The following ABTB3 variants were observed in gnomAD, a reference collection of about 807,000 sequenced individuals.
ABTB3 encodes ankyrin repeat and BTB domain containing 3.
the ABTB3 span, among the ~76,000 whole-genome samples, chr12:107,574,776 G>A: frequency 6.6e-6 from 1 of 152,218 alleles, no homozygotes; most frequent in African/African-American, 2.4e-5. Flanking sequence ...CAGACTCTCT[G>A]AATCAGGATC....
the ABTB3 span, among the ~76,000 whole-genome samples, chr12:107,519,597 C>T: frequency 4.5e-4 from 69 of 152,268 alleles, 2 homozygotes; most frequent in Admixed American, 3.9e-3. Context: ...GGATTATGGG[C>T]GTGAGCCACC....
chr12:107,423,739 C>G, the ABTB3 span, among the ~76,000 whole-genome samples: 2 of 152,182 alleles, frequency 1.3e-5, no homozygotes, highest in African/African-American at 2.4e-5. Flanking sequence ...CAAGCTGATA[C>G]CACTCCAGGC....
the ABTB3 span, among the ~76,000 whole-genome samples, chr12:107,349,073 G>A: frequency 3.3e-5 from 5 of 152,144 alleles, no homozygotes; most frequent in African/African-American, 1.2e-4. Flanking sequence ...AGGTCACACA[G>A]CTAGAGTTCA....
At chr12:107,566,646 A>AGTACACACACAC in the ABTB3 span, among the ~76,000 whole-genome samples, 3 of 84,770 alleles carry the variant, frequency 3.5e-5, no homozygotes, top group African/African-American at 1.5e-4. Context: ...ATCTAATTTA[A>AGTACACACACAC]ATACACACAC....
the ABTB3 span, among the ~76,000 whole-genome samples, chr12:107,445,785 C>A: frequency 2.2e-4 from 33 of 151,994 alleles, no homozygotes; most frequent in African/African-American, 7.0e-4. Flanking sequence ...TCTTTTTGAA[C>A]GTATAAAGGC....
chr12:107,562,546 AGAGAT>A, the ABTB3 span, among the ~76,000 whole-genome samples: 6 of 152,254 alleles, frequency 3.9e-5, no homozygotes, highest in South Asian at 4.1e-4. Flanking sequence ...GAGTGTGATC[AGAGAT>A]GAGTCCAAGG....
the ABTB3 span, among the ~76,000 whole-genome samples, chr12:107,631,186 G>A: frequency 1.3e-5 from 2 of 152,172 alleles, no homozygotes; most frequent in African/African-American, 4.8e-5. Flanking sequence ...CCACTTACAC[G>A]TGAGAACATG....
the ABTB3 span, among the ~76,000 whole-genome samples, chr12:107,532,918 T>C: frequency 1.9e-3 from 295 of 152,292 alleles, 2 homozygotes; most frequent in Non-Finnish European, 2.2e-3. Context: ...AAGAAGACTA[T>C]ATCCAGCAAT....
chr12:107,456,457 C>T, the ABTB3 span, among the ~76,000 whole-genome samples: 1 of 152,220 alleles, frequency 6.6e-6, no homozygotes, highest in African/African-American at 2.4e-5. Context: ...AGACCTAAGT[C>T]GTGCGCTCCT....
chr12:107,338,930 C>T, the ABTB3 span, among the ~76,000 whole-genome samples: 1 of 152,186 alleles, frequency 6.6e-6, no homozygotes, highest in East Asian at 1.9e-4. Context: ...GGGCTCAAGC[C>T]ATCCTCTTGC....
At chr12:107,610,033 C>A in the ABTB3 span, 1 of 808,250 alleles carries the variant, frequency 1.2e-6, no homozygotes, top group East Asian at 2.6e-5. Context: ...GACAAAGGAT[C>A]AAGAGACATC....
the ABTB3 span, among the ~76,000 whole-genome samples, chr12:107,607,642 A>G: frequency 6.6e-6 from 1 of 152,114 alleles, no homozygotes; most frequent in African/African-American, 2.4e-5. Context: ...CCTCATGGCA[A>G]CACCAGGCTT....
At chr12:107,552,916 C>T in the ABTB3 span, among the ~76,000 whole-genome samples, 1 of 152,190 alleles carries the variant, frequency 6.6e-6, no homozygotes, top group African/African-American at 2.4e-5. Flanking sequence ...TCAATAAATA[C>T]TTGCAGAACT....
At chr12:107,533,471 G>C in the ABTB3 span, among the ~76,000 whole-genome samples, 1 of 152,090 alleles carries the variant, frequency 6.6e-6, no homozygotes, top group African/African-American at 2.4e-5. Flanking sequence ...TACAACAGTA[G>C]CTATATTTAT....
At chr12:107,523,312 A>T in the ABTB3 span, among the ~76,000 whole-genome samples, 1 of 152,304 alleles carries the variant, frequency 6.6e-6, no homozygotes, top group East Asian at 1.9e-4. Flanking sequence ...TTGCGCTTCC[A>T]TTCCCTTCAA....
the ABTB3 span, among the ~76,000 whole-genome samples, chr12:107,571,997 C>G: frequency 6.6e-6 from 1 of 152,214 alleles, no homozygotes; most frequent in Admixed American, 6.5e-5. Context: ...GGCTAAATCA[C>G]AAATAGCTCC....
chr12:107,632,578 A>G, the ABTB3 span, among the ~76,000 whole-genome samples: 3 of 152,172 alleles, frequency 2.0e-5, no homozygotes, highest in South Asian at 4.1e-4. Context: ...TTAGTTTTCT[A>G]TTGCTGCAGT....
chr12:107,609,668 C>T, the ABTB3 span, among the ~76,000 whole-genome samples: 2 of 152,160 alleles, frequency 1.3e-5, no homozygotes, highest in Non-Finnish European at 2.9e-5. Flanking sequence ...GCAGGCAGTC[C>T]GACAAATAAA....
chr12:107,470,438 C>T, the ABTB3 span, among the ~76,000 whole-genome samples: 7 of 152,048 alleles, frequency 4.6e-5, no homozygotes, highest in South Asian at 1.0e-3. Context: ...GTCTGGGGTC[C>T]CAGGGAACAT....
Sources: allele counts gnomAD v4.1 joint callset (sites outside exome capture counted in the v4.1 genomes callset), GRCh38; gene constraint gnomAD v4.1.1; transcripts MANE v1.5; gene names NCBI Gene and HGNC (gene_info 2026-07-23, HGNC 2026-07-21).